POTEB3: variants seen among roughly 807,000 people sequenced by gnomAD.
POTEB3 encodes POTE ankyrin domain family member B3.
Under a neutral mutation model 39.8 loss-of-function variants are expected in POTEB3, and 5 were observed. The observed-to-expected ratio is 0.13, with a 90% CI of 0.07 to 0.26. POTEB3 has a LOEUF of 0.26. Ranked by LOEUF, POTEB3 falls within the 10% of genes least tolerant of loss-of-function variation. The pLI is 1.00. For synonymous variants in POTEB3, 5 were observed against 161.5 expected, an observed-to-expected ratio of 0.03 and a Z score of 7.35; for missense variants, 24 against 475.6, an observed-to-expected ratio of 0.05 and a Z score of 8.83.
chr15:21,424,838 T>C (rs2141354907), intron 6 of POTEB3, among the ~76,000 whole-genome samples: 1 of 149,234 alleles, frequency 6.7e-6, no homozygotes, highest in East Asian at 2.0e-4. Context: ...TCATATTGAC[T>C]ATACCTCTCT....
At position 21,407,986 on chromosome 15, in the gene POTEB3, TG is replaced by T. The variant is rs1163276200; in HGVS notation, c.*996del. ...CTGCTCCACCACTTTCCTTGTCTCC[TG>T]GGGGCTACACCCCAGAGAGGTGTAA... On this transcript the variant is annotated 3_prime_UTR_variant, in exon 11 of 11. Coordinates refer to ENST00000611217, the MANE Select transcript of POTEB3 (RefSeq NM_207355.5). 6.6e-5 allele frequency among the ~76,000 whole-genome samples: 5 copies of T among 75,284 alleles called. No homozygotes were observed. The South Asian group carries it at 1.6e-3, about 23-fold the overall frequency. 49.4% of individuals were successfully genotyped at this position (75,284 alleles called of 152,430 possible). A position where few individuals can be genotyped will look rare whatever the true frequency, so the allele number is the denominator to read the frequency against.
At chr15:21,433,776 C>T (rs1899070775) in intron 3 of POTEB3, among the ~76,000 whole-genome samples, 1 of 150,966 alleles carries the variant, frequency 6.6e-6, no homozygotes, top group South Asian at 2.1e-4. Context: ...AGAGTTGAGA[C>T]TCTAATTGGC....
chr15:21,433,306 T>C lies in POTEB3; in HGVS notation c.810+1355A>G, dbSNP rs1210192091. On this transcript the variant is annotated intron_variant, in intron 3 of 10. Coordinates refer to ENST00000611217, the MANE Select transcript of POTEB3 (RefSeq NM_207355.5). ...TCTCATTATGTTGACCAGGCTAGAG[T>C]AGAACTCCTAAGCTCAGGCAATCCT... Among the ~76,000 whole-genome samples the C allele has an allele frequency of 2.7e-5, 4 of 150,544 alleles. No homozygotes were observed. The South Asian group carries it at 8.4e-4, about 32-fold the overall frequency.
chr15:21,434,333 CA>C (rs1323709744), intron 3 of POTEB3, among the ~76,000 whole-genome samples: 1 of 125,152 alleles, frequency 8.0e-6, no homozygotes, highest in Non-Finnish European at 1.7e-5. Context: ...AACCTATTTC[CA>C]GGGCAAATTT....
intron 6 of POTEB3, among the ~76,000 whole-genome samples, chr15:21,426,411 GT>G (rs1352318443): frequency 6.7e-6 from 1 of 150,290 alleles, no homozygotes; most frequent in Non-Finnish European, 1.5e-5. Flanking sequence ...ACTGAATAAA[GT>G]AGTAAAATAA....
At chr15:21,412,861 A>AT (rs1459651107) in intron 9 of POTEB3, among the ~76,000 whole-genome samples, 23 of 57,932 alleles carry the variant, frequency 4.0e-4, no homozygotes, top group African/African-American at 3.1e-3. Context: ...AAATAAATAA[A>AT]TAAATAAATA....
In POTEB3 at chr15:21,433,253, TTTG is replaced by T. The variant is rs1229656948; in HGVS notation, c.810+1405_810+1407del. On this transcript the variant is annotated intron_variant, in intron 3 of 10. Transcript: ENST00000611217. ...AGGAGTGTATCCGGATTTTGAGAAA[TTTG>T]TTGTTGTTGTTGTTAGAGACAGGGT... 4.6e-5 allele frequency among the ~76,000 whole-genome samples: 7 copies of T among 150,902 alleles called. No homozygotes were observed. The East Asian group carries it at 5.8e-4, about 13-fold the overall frequency.
At position 21,413,570 on chromosome 15, in the gene POTEB3, G is replaced by A. The variant is rs61551532; in HGVS notation, c.1410-2569C>T. On this transcript the variant is annotated intron_variant, in intron 9 of 10. Transcript: ENST00000611217. ...TATATATATGTATGTATGTATGTAT[G>A]TATACCTGAGACTGGGTAATTCATA... Among the ~76,000 whole-genome samples, 82 of 29,092 alleles carry A rather than the reference G, an allele frequency of 2.8e-3. 3 individuals are homozygous for A. Among genetic ancestry groups the A allele is most frequent in the Non-Finnish European group, 3.8e-3 (70 of 18,432 alleles). The allele number at this position is 29,092 out of a possible 152,430, so 19.1% of individuals were successfully genotyped here. A position where few individuals can be genotyped will look rare whatever the true frequency, so the allele number is the denominator to read the frequency against.
chr15:21,433,187 T>C (rs1899043987), intron 3 of POTEB3, among the ~76,000 whole-genome samples: 1 of 151,226 alleles, frequency 6.6e-6, no homozygotes, highest in South Asian at 2.1e-4. Flanking sequence ...TTCTGAGATA[T>C]AAGAATTTAC....
intron 6 of POTEB3, chr15:21,425,041 T>A (rs1400190213): frequency 6.8e-6 from 1 of 147,848 alleles, no homozygotes; most frequent in Admixed American, 6.7e-5. Flanking sequence ...CAAACTTTAT[T>A]TCACCATGGG....
chr15:21,433,529 T>A (rs1483687255), intron 3 of POTEB3, among the ~76,000 whole-genome samples: 11 of 150,754 alleles, frequency 7.3e-5, no homozygotes, highest in Admixed American at 1.3e-4. Context: ...TGGAAGCTAG[T>A]GCAATAGACA....
chr15:21,427,148 TCA>T (rs1898756341), intron 6 of POTEB3, among the ~76,000 whole-genome samples: 1 of 151,532 alleles, frequency 6.6e-6, no homozygotes, highest in African/African-American at 2.4e-5. Flanking sequence ...AACTCCCAGG[TCA>T]CAGACTGGTA....
chr15:21,421,376 T>C (rs1427416660), intron 7 of POTEB3, among the ~76,000 whole-genome samples: 1 of 137,560 alleles, frequency 7.3e-6, no homozygotes. Context: ...AAAAATTTTT[T>C]AATAATCTGT....
chr15:21,413,520 A>ATT (rs1898352663), intron 9 of POTEB3, among the ~76,000 whole-genome samples: 2 of 18,842 alleles, frequency 1.1e-4, no homozygotes, highest in Middle Eastern at 0.022. Context: ...ATATATATAT[A>ATT]TATATATATA....
chr15:21,415,668 ACT>A (rs1293066311), intron 9 of POTEB3, among the ~76,000 whole-genome samples: 2 of 36,904 alleles, frequency 5.4e-5, no homozygotes, highest in East Asian at 1.5e-3. Context: ...TATATCAAAG[ACT>A]CTAAGAAATG....
chr15:21,430,754 T>A (rs1898927563), intron 4 of POTEB3, among the ~76,000 whole-genome samples: 2 of 151,310 alleles, frequency 1.3e-5, no homozygotes, highest in Non-Finnish European at 2.9e-5. Flanking sequence ...TGATATGCTG[T>A]GATAGAAAAT....
chr15:21,410,250 A>G (rs1227087747), intron 10 of POTEB3, among the ~76,000 whole-genome samples: 1 of 89,432 alleles, frequency 1.1e-5, no homozygotes, highest in Non-Finnish European at 2.0e-5. Flanking sequence ...TAAGTGTGAA[A>G]TACGGGAAAC....
intron 10 of POTEB3, among the ~76,000 whole-genome samples, 155 bp downstream of exon 10, chr15:21,410,723 G>A (rs1359448524): frequency 1.3e-5 from 1 of 77,116 alleles, no homozygotes; most frequent in Non-Finnish European, 2.4e-5. Context: ...AGGATATACA[G>A]GGGGTGTGTG....
intron 6 of POTEB3, among the ~76,000 whole-genome samples, chr15:21,423,125 G>A (rs1898575096): frequency 7.0e-6 from 1 of 142,992 alleles, no homozygotes; most frequent in African/African-American, 2.6e-5. Context: ...TGTTTTAGCT[G>A]GGGTCTTGCT....
Sources: gnomAD v4.1 joint callset for allele counts (sites outside exome capture counted in the v4.1 genomes callset) on GRCh38, gnomAD v4.1.1 for gene constraint, MANE v1.5 for transcripts, NCBI Gene and HGNC (gene_info 2026-07-23, HGNC 2026-07-21) for gene names.